The following WWOX variants were observed in gnomAD, a reference collection of about 807,000 sequenced individuals.
The protein encoded by WWOX is WW domain-containing oxidoreductase.
In WWOX, 69 loss-of-function variants were observed where a neutral mutation model predicts 46.2. The observed-to-expected ratio is 1.49, with a 90% CI of 1.23 to 1.82. The LOEUF is 1.82. Among genes scored for constraint, WWOX ranks in the 40% most tolerant of loss-of-function variants. The pLI is 0.00. For missense variants in WWOX, 919 were observed against 542.6 expected (o/e 1.69, Z -6.89); for synonymous variants, 359 against 202.6 (o/e 1.77, Z -6.56).
chr16:78,425,553 C>T (rs2083056174), intron 7 of WWOX, among the ~76,000 whole-genome samples: 1 of 152,224 alleles, frequency 6.6e-6, no homozygotes, highest in African/African-American at 2.4e-5. Flanking sequence ...TCTGGCCGTG[C>T]CTCTTTTGGT....
intron 8 of WWOX, among the ~76,000 whole-genome samples, chr16:78,864,734 T>G (rs1232345533): frequency 6.8e-6 from 1 of 147,156 alleles, no homozygotes; most frequent in Non-Finnish European, 1.5e-5. Context: ...CAGAGCTGTG[T>G]GGCTATTTTT....
chr16:78,410,058 T>G (rs1269394531), intron 6 of WWOX, among the ~76,000 whole-genome samples: 1 of 152,230 alleles, frequency 6.6e-6, no homozygotes, highest in African/African-American at 2.4e-5. Context: ...CATGCATGAC[T>G]TACGGCCATC....
intron 8 of WWOX, among the ~76,000 whole-genome samples, chr16:78,838,379 A>G: frequency 6.6e-6 from 1 of 152,290 alleles, no homozygotes; most frequent in East Asian, 1.9e-4. Context: ...TTCTTAGAGA[A>G]CTAAAGACAC....
intron 5 of WWOX, among the ~76,000 whole-genome samples, chr16:78,379,273 A>G (rs1320666201): frequency 6.6e-6 from 1 of 152,238 alleles, no homozygotes; most frequent in East Asian, 1.9e-4. Flanking sequence ...ATACACTGCC[A>G]TCCAATCAGC....
At chr16:78,783,872 A>T (rs1336962929) in intron 8 of WWOX, among the ~76,000 whole-genome samples, 2 of 100,174 alleles carry the variant, frequency 2.0e-5, no homozygotes, top group Non-Finnish European at 4.2e-5. Context: ...GATGATGGTG[A>T]TGACGATGAT....
intron 5 of WWOX, among the ~76,000 whole-genome samples, chr16:78,186,465 T>C (rs1263073450): frequency 1.3e-5 from 2 of 152,214 alleles, no homozygotes; most frequent in Non-Finnish European, 2.9e-5. Context: ...ATTCGTCTTT[T>C]AAAAAGCTTT....
intron 6 of WWOX, among the ~76,000 whole-genome samples, chr16:78,394,479 C>T (rs1008978795): frequency 6.6e-6 from 1 of 152,080 alleles, no homozygotes; most frequent in Non-Finnish European, 1.5e-5. Flanking sequence ...ATGCTTCCCT[C>T]CTAAGCAAAA....
intron 8 of WWOX, among the ~76,000 whole-genome samples, chr16:79,049,834 CAAAAAA>C (rs34371278): frequency 1.3e-5 from 1 of 78,700 alleles, no homozygotes; most frequent in East Asian, 4.3e-4. Flanking sequence ...GACTCTGTCT[CAAAAAA>C]AAAAAAAAAA....
intron 8 of WWOX, among the ~76,000 whole-genome samples, chr16:78,920,012 G>A (rs1482861778): frequency 2.0e-5 from 3 of 152,188 alleles, no homozygotes; most frequent in South Asian, 2.1e-4. Flanking sequence ...GGGAAGCACT[G>A]AGGGTCATTG....
intron 8 of WWOX, among the ~76,000 whole-genome samples, chr16:79,158,216 A>C: frequency 6.6e-6 from 1 of 152,196 alleles, no homozygotes; most frequent in Non-Finnish European, 1.5e-5. Flanking sequence ...ATTGGCCGGG[A>C]AGAACTATTA....
chr16:79,141,483 C>G (rs1298394217), intron 8 of WWOX, among the ~76,000 whole-genome samples: 1 of 152,226 alleles, frequency 6.6e-6, no homozygotes, highest in East Asian at 1.9e-4. Context: ...GTTCACAGAC[C>G]TGTCAACATG....
At chr16:78,132,289 G>C (rs2033631455) in intron 4 of WWOX, among the ~76,000 whole-genome samples, 1 of 151,344 alleles carries the variant, frequency 6.6e-6, no homozygotes, top group South Asian at 2.1e-4. Flanking sequence ...GCCTCCCAAA[G>C]TGCTGGGATT....
At chr16:78,767,484 G>GTC (rs757937900) in intron 8 of WWOX, among the ~76,000 whole-genome samples, 4 of 92,884 alleles carry the variant, frequency 4.3e-5, no homozygotes, top group Admixed American at 9.7e-5. Flanking sequence ...GTGTGTGTCT[G>GTC]TGTGTGTGTG....
At chr16:78,811,270 T>C (rs146300659) in intron 8 of WWOX, among the ~76,000 whole-genome samples, 1 of 152,332 alleles carries the variant, frequency 6.6e-6, no homozygotes, top group Admixed American at 6.5e-5. Context: ...TGCTGAGTAA[T>C]TGATGATCCT....
chr16:78,336,927 C>A (rs773708008), intron 5 of WWOX, among the ~76,000 whole-genome samples: 1 of 151,962 alleles, frequency 6.6e-6, no homozygotes, highest in African/African-American at 2.4e-5. Flanking sequence ...TACAGGCGCC[C>A]GCCACCATGC....
intron 8 of WWOX, among the ~76,000 whole-genome samples, chr16:78,547,934 T>C (rs2044080487): frequency 6.6e-6 from 1 of 151,954 alleles, no homozygotes; most frequent in South Asian, 2.1e-4. Flanking sequence ...GGCAGATCAC[T>C]TGAGGTCAGG....
chr16:78,588,130 A>AG (rs138410604), intron 8 of WWOX, among the ~76,000 whole-genome samples: 3 of 151,946 alleles, frequency 2.0e-5, no homozygotes, highest in African/African-American at 4.8e-5. Flanking sequence ...AGGTGCAGAG[A>AG]GGGGGTTAGT....
At chr16:79,033,965 C>A (rs1027461862) in intron 8 of WWOX, among the ~76,000 whole-genome samples, 1 of 152,064 alleles carries the variant, frequency 6.6e-6, no homozygotes, top group South Asian at 2.1e-4. Flanking sequence ...ACTGACTGGC[C>A]CAGCCAAGGG....
At chr16:78,945,672 TC>T (rs1377645283) in intron 8 of WWOX, among the ~76,000 whole-genome samples, 1 of 152,206 alleles carries the variant, frequency 6.6e-6, no homozygotes, top group Non-Finnish European at 1.5e-5. Flanking sequence ...CATCTTTTTT[TC>T]TTTGACTTTC....
Sources: gnomAD v4.1 joint callset for allele counts (sites outside exome capture counted in the v4.1 genomes callset) on GRCh38, gnomAD v4.1.1 for gene constraint, MANE v1.5 for transcripts, NCBI Gene and HGNC (gene_info 2026-07-23, HGNC 2026-07-21) for gene names.